TMLHE: variants seen among roughly 807,000 people sequenced by gnomAD.
TMLHE encodes the protein trimethyllysine hydroxylase, epsilon, also known as trimethyllysine dioxygenase, mitochondrial.
TMLHE carries 18 observed loss-of-function variants against 25.7 expected under a neutral mutation model. The observed-to-expected ratio is 0.70, with a 90% CI of 0.48 to 1.04. The LOEUF (loss-of-function observed/expected upper bound fraction) is 1.04, where lower values mean the gene tolerates loss of function less well. TMLHE is among the 50% of genes least tolerant of loss of function. The pLI is 0.00. For missense variants in TMLHE, 236 were observed against 259.0 expected (o/e 0.91, Z 0.61); for synonymous variants, 105 against 97.0 (o/e 1.08, Z -0.49).
chrX:155,598,183 C>T (rs782412956), intron 1 of TMLHE, among the ~76,000 whole-genome samples: 18 of 111,383 alleles, frequency 1.6e-4, no homozygotes, highest in African/African-American at 4.9e-4. Context: ...TGAGTGCTTC[C>T]GAACCAGTGC....
intron 1 of TMLHE, among the ~76,000 whole-genome samples, chrX:155,549,191 G>C (rs1250377600): frequency 3.6e-5 from 4 of 111,093 alleles, no homozygotes; most frequent in Non-Finnish European, 7.5e-5. Flanking sequence ...TATGAATAGA[G>C]TTCTACATCT....
chrX:155,524,660 C>A, intron 2 of TMLHE, 28 bp from the exon 3 acceptor site: 1 of 1,107,773 alleles, frequency 9.0e-7, no homozygotes. Flanking sequence ...TTTATCAGAA[C>A]TATTTATTGA....
intron 1 of TMLHE, among the ~76,000 whole-genome samples, chrX:155,572,202 G>C (rs1557343273): frequency 1.8e-5 from 1 of 56,605 alleles, no homozygotes; most frequent in African/African-American, 4.3e-5. Flanking sequence ...CAGACAAACT[G>C]AGAGCCAAAT....
chrX:155,512,319 TC>T (rs782820164), intron 4 of TMLHE, among the ~76,000 whole-genome samples: 1,216 of 87,599 alleles, frequency 0.014, 14 homozygotes, highest in Middle Eastern at 0.021. Context: ...CCTCCCCCCT[TC>T]CCCCCACCCC....
At chrX:155,588,711 G>T (rs782203451) in intron 1 of TMLHE, among the ~76,000 whole-genome samples, 6 of 111,167 alleles carry the variant, frequency 5.4e-5, no homozygotes, top group Non-Finnish European at 1.1e-4. Flanking sequence ...CATACAAATT[G>T]CCATCAGCTG....
rs191746996 is a variant in TMLHE at position 155,589,166 on chromosome X, G to A, written c.-2+23626C>T. Among the ~76,000 whole-genome samples, 298 of 111,669 alleles carry A rather than the reference G, an allele frequency of 2.7e-3. 1 individual carries two copies. The highest frequency in any genetic ancestry group is 4.7e-3 in the Non-Finnish European group (251 of 53,052). On this transcript the variant is annotated intron_variant, in intron 1 of 7. Coordinates refer to ENST00000334398, the MANE Select transcript of TMLHE (RefSeq NM_018196.4). Reference sequence around the variant, plus strand: ...ATTCACCATAAAAAAGAATGAAATCGGCTGGGTGTGGTGGCTCACGCCTGT... The same window carrying A: ...ATTCACCATAAAAAAGAATGAAATCAGCTGGGTGTGGTGGCTCACGCCTGT...
rs782476513 is a variant in TMLHE at position 155,561,973 on chromosome X, A to G, written c.-1-16696T>C. ...TGTGGCTTTTCCAGGTGTACAGTGC[A>G]AGCTGTTGGTGGATCTACCATTCTG... is the stretch of plus-strand genomic sequence containing the variant. On this transcript the variant is annotated intron_variant, in intron 1 of 7. Coordinates refer to ENST00000334398, the MANE Select transcript of TMLHE (RefSeq NM_018196.4). Among the ~76,000 whole-genome samples the G allele has an allele frequency of 6.4e-4, 40 of 62,246 alleles. 2 individuals carry two copies. Among genetic ancestry groups the G allele is most frequent in the African/African-American group, 1.2e-3 (35 of 28,162 alleles). 54.1% of individuals were successfully genotyped at this position (62,246 alleles called of 115,157 possible).
rs141256979 is a variant in TMLHE at position 155,513,732 on chromosome X, G to A, written c.638+254C>T. Among the ~76,000 whole-genome samples, 408 of 110,380 alleles carry A rather than the reference G, an allele frequency of 3.7e-3. 2 individuals are homozygous for A. The highest frequency in any genetic ancestry group is 0.012 in the African/African-American group (376 of 30,331). On this transcript the variant is annotated intron_variant, in intron 4 of 7. Coordinates refer to ENST00000334398, the MANE Select transcript of TMLHE (RefSeq NM_018196.4). ...TTTTTTCCAGTGTACAATAATACCT[G>A]TCACTTGGGATCACTGGGCTAGAAA... is the stretch of plus-strand genomic sequence containing the variant.
At chrX:155,591,697 ACAAGTGTGG>A (rs1557345998) in intron 1 of TMLHE, among the ~76,000 whole-genome samples, 2 of 111,932 alleles carry the variant, frequency 1.8e-5, no homozygotes, top group Non-Finnish European at 3.8e-5. Context: ...ACTAAAGATA[ACAAGTGTGG>A]TAAGGATGTG....
At chrX:155,591,029 G>A (rs2067691071) in intron 1 of TMLHE, among the ~76,000 whole-genome samples, 1 of 111,282 alleles carries the variant, frequency 9.0e-6, no homozygotes, top group Non-Finnish European at 1.9e-5. Context: ...AGATATACCA[G>A]GTAAGCCTTA....
At chrX:155,548,596 G>A (rs781822573) in intron 1 of TMLHE, among the ~76,000 whole-genome samples, 21 of 107,474 alleles carry the variant, frequency 2.0e-4, no homozygotes, top group Non-Finnish European at 3.1e-4. Flanking sequence ...TTAGCCGGGT[G>A]TGGTGGCACA....
rs782259752 is a variant in TMLHE at position 155,582,095 on chromosome X, T to C, written c.-2+30697A>G. 1.2e-4 allele frequency among the ~76,000 whole-genome samples: 13 copies of C among 112,336 alleles called. No homozygotes were observed. In the South Asian group the frequency reaches 4.8e-3, roughly 42 times the overall value. On this transcript the variant is annotated intron_variant, in intron 1 of 7. Transcript: ENST00000334398. ...GGGCAAGGATTCCCTATTTAATAAA[T>C]GGTGCTTGGAAAACTGGCTAGCCAT...
In TMLHE at chrX:155,512,004, C is replaced by G. The variant is rs1021053250; in HGVS notation, c.639-212G>C. Among the ~76,000 whole-genome samples, 97 of 110,854 alleles carry G rather than the reference C, an allele frequency of 8.8e-4. 1 individual carries two copies. Among genetic ancestry groups the G allele is most frequent in the Admixed American group, 4.5e-3 (47 of 10,374 alleles). ...ACATTCTAGAAAGTTGGGGAGAAAACTGTGGAAGTATAATATTGTATTATG... is the reference window on the plus strand; with the variant it reads ...ACATTCTAGAAAGTTGGGGAGAAAAGTGTGGAAGTATAATATTGTATTATG... On this transcript the variant is annotated intron_variant, in intron 4 of 7. Coordinates refer to ENST00000334398, the MANE Select transcript of TMLHE (RefSeq NM_018196.4).
chrX:155,587,241 A>G (rs1603088668), intron 1 of TMLHE, among the ~76,000 whole-genome samples: 1 of 112,202 alleles, frequency 8.9e-6, no homozygotes, highest in African/African-American at 3.2e-5. Context: ...GCTACAACCC[A>G]TCAACAGAAT....
chrX:155,578,564 C>T (rs919117659), intron 1 of TMLHE, among the ~76,000 whole-genome samples: 7 of 112,060 alleles, frequency 6.2e-5, no homozygotes, highest in Admixed American at 9.4e-5. Context: ...ACGGCAAAGA[C>T]GAGCTTCAAC....
chrX:155,593,973 A>C (rs1226303956), intron 1 of TMLHE, among the ~76,000 whole-genome samples: 1 of 111,475 alleles, frequency 9.0e-6, no homozygotes, highest in Non-Finnish European at 1.9e-5. Flanking sequence ...TTTGCATAAT[A>C]ATAATACATG....
chrX:155,526,510 T>G (rs1557336474), intron 2 of TMLHE, among the ~76,000 whole-genome samples: 1 of 112,333 alleles, frequency 8.9e-6, no homozygotes, highest in East Asian at 2.8e-4. Context: ...ACTAGGGCAG[T>G]GTGGAGGAGA....
rs782256337 is a variant in TMLHE, at chrX:155,523,056, T to C, written c.358+1400A>G. 4.5e-5 allele frequency among the ~76,000 whole-genome samples: 5 copies of C among 111,865 alleles called. No homozygotes were observed. In the South Asian group the frequency reaches 1.9e-3, roughly 42 times the overall value. ...TTTAATGTAGTCATTCTGATAGGTA[T>C]GTAGTGCAATCTCATTGTGATACTA... On this transcript the variant is annotated intron_variant, in intron 3 of 7. Transcript: ENST00000334398.
intron 5 of TMLHE, among the ~76,000 whole-genome samples, chrX:155,511,211 T>A (rs782064356): frequency 4.5e-4 from 50 of 110,750 alleles, no homozygotes; most frequent in Non-Finnish European, 9.1e-4. Context: ...GGTGCTGTCT[T>A]CAGATAGTGA....
Sources: gnomAD v4.1 joint callset for allele counts (sites outside exome capture counted in the v4.1 genomes callset) on GRCh38, gnomAD v4.1.1 for gene constraint, MANE v1.5 for transcripts, NCBI Gene and HGNC (gene_info 2026-07-23, HGNC 2026-07-21) for gene names.